Variants in FBN1 observed in about 807,000 individuals in gnomAD.
FBN1 encodes fibrillin-1.
A neutral mutation model predicts 365.1 loss-of-function variants in FBN1; 29 were observed. The observed-to-expected ratio is 0.08, with a 90% CI of 0.06 to 0.11. The LOEUF (loss-of-function observed/expected upper bound fraction) is 0.11, where lower values mean the gene tolerates loss of function less well. FBN1 is among the 10% of genes least tolerant of loss of function. The pLI, the probability that FBN1 is intolerant of heterozygous loss-of-function variation, is 1.00. For missense variants in FBN1, 2,476 were observed against 3,703.2 expected (o/e 0.67, Z 8.60); for synonymous variants, 1,210 against 1,270.5 (o/e 0.95, Z 1.01).
intron 2 of FBN1, among the ~76,000 whole-genome samples, chr15:48,639,235 A>G (rs948447079): frequency 1.3e-5 from 2 of 152,284 alleles, no homozygotes; most frequent in African/African-American, 4.8e-5. Flanking sequence ...ACCTCTGCAT[A>G]CCTCGGCTCT....
At chr15:48,485,629 A>G (rs2043500591) in intron 29 of FBN1, 133 bp from the exon 30 acceptor site, 2 of 943,646 alleles carry the variant, frequency 2.1e-6, no homozygotes, top group Non-Finnish European at 3.3e-6. Context: ...TAATCATCCT[A>G]TGAGGGCTCT....
intron 7 of FBN1, among the ~76,000 whole-genome samples, chr15:48,535,592 G>C (rs974707040): frequency 3.3e-5 from 5 of 152,178 alleles, no homozygotes; most frequent in Admixed American, 6.5e-5. Context: ...GAAGCTTAAT[G>C]TGCTCTTTAG....
At chr15:48,564,453 G>T (rs1036758844) in intron 6 of FBN1, among the ~76,000 whole-genome samples, 5 of 151,942 alleles carry the variant, frequency 3.3e-5, no homozygotes, top group Non-Finnish European at 7.4e-5. Flanking sequence ...GGAGAATTAA[G>T]TTGAAGTTTC....
chr15:48,422,197 C>T (rs1017517538), intron 60 of FBN1, 129 bp from the exon 61 acceptor site: 9 of 717,602 alleles, frequency 1.3e-5, no homozygotes, highest in Middle Eastern at 2.4e-4. Flanking sequence ...GAAGCCACAG[C>T]AAAAGGCAAG....
chr15:48,422,505 T>C (rs1300345544), intron 60 of FBN1, among the ~76,000 whole-genome samples: 2 of 152,248 alleles, frequency 1.3e-5, no homozygotes, highest in East Asian at 3.8e-4. Context: ...GGCTTAGTTC[T>C]CTTCTGTTTG....
At chr15:48,533,250 A>G (rs1043826495) in intron 8 of FBN1, among the ~76,000 whole-genome samples, 5 of 152,188 alleles carry the variant, frequency 3.3e-5, no homozygotes, top group African/African-American at 1.2e-4. Context: ...TGAAGGAAAA[A>G]GTTTTCTCTT....
chr15:48,444,403 A>G, intron 49 of FBN1, 138 bp downstream of exon 49: 1 of 965,520 alleles, frequency 1.0e-6, no homozygotes. Context: ...GAAGGATGAG[A>G]CCATGTCATA....
Position 48,410,806 on chromosome 15 carries a change from GGTT to G in FBN1, c.*181_*183del, listed in dbSNP as rs2042854481. 6.6e-6 allele frequency: 4 copies of G among 607,140 alleles called. No homozygotes were observed. In the East Asian group the frequency reaches 8.4e-5, roughly 13 times the overall value. 37.6% of individuals were successfully genotyped at this position (607,140 alleles called of 1,614,324 possible). On this transcript the variant is annotated 3_prime_UTR_variant, in exon 66 of 66. Coordinates refer to ENST00000316623, the MANE Select transcript of FBN1 (RefSeq NM_000138.5). ...ACACACATGAGAAGCCTGAGAAAGTGGTTGTTTTGAACTAGGGTAGTCACCTGT... is the reference window on the plus strand; with the variant it reads ...ACACACATGAGAAGCCTGAGAAAGTGGTTTTGAACTAGGGTAGTCACCTGT...
chr15:48,441,210 A>C (rs2043112115), intron 50 of FBN1, among the ~76,000 whole-genome samples: 1 of 152,212 alleles, frequency 6.6e-6, no homozygotes, highest in African/African-American at 2.4e-5. Context: ...TATTATTCCT[A>C]AAAATGAACA....
At chr15:48,633,238 G>C (rs1890021384) in intron 2 of FBN1, among the ~76,000 whole-genome samples, 1 of 152,200 alleles carries the variant, frequency 6.6e-6, no homozygotes, top group Non-Finnish European at 1.5e-5. Context: ...ATGTTTTACA[G>C]TATTACTAGG....
chr15:48,493,541 C>A (rs938860492), intron 23 of FBN1, among the ~76,000 whole-genome samples: 1 of 152,132 alleles, frequency 6.6e-6, no homozygotes, highest in African/African-American at 2.4e-5. Flanking sequence ...TTATTAACAG[C>A]GGGTCTGGAC....
intron 61 of FBN1, 85 bp downstream of exon 61, chr15:48,421,867 C>T: frequency 7.8e-7 from 1 of 1,279,822 alleles, no homozygotes; most frequent in Non-Finnish European, 1.1e-6. Flanking sequence ...CTTTTATTTT[C>T]TTATCCCAAC....
At chr15:48,616,942 A>G (rs570194649) in intron 2 of FBN1, among the ~76,000 whole-genome samples, 1 of 152,330 alleles carries the variant, frequency 6.6e-6, no homozygotes, top group African/African-American at 2.4e-5. Flanking sequence ...AAGGTCAAAC[A>G]ACCTGGCCAA....
In FBN1 at chr15:48,468,481, T is replaced by C; in HGVS notation, c.4513A>G (p.Thr1505Ala). The change falls in exon 37 of 66, where the codon ACT becomes GCT. Residue 1505 changes from threonine to alanine, a missense_variant. Transcript: ENST00000316623. Reference protein sequence around the residue: ...TTCISGNCVNTPGSYICDCPP... With the variant: ...TTCISGNCVNAPGSYICDCPP... ...CAGTCACAGATATAGCTGCCTGGAG[T>C]GTTGACACAGTTCCCACTGATGCAC... 6.2e-7 allele frequency: 1 copy of C among 1,614,060 alleles called. No homozygotes were observed. Among genetic ancestry groups the C allele is most frequent in the South Asian group, 1.1e-5 (1 of 91,068 alleles).
At chr15:48,427,805 T>C (rs541990155) in intron 57 of FBN1, 32 bp from the exon 58 acceptor site, 17 of 1,599,068 alleles carry the variant, frequency 1.1e-5, no homozygotes, top group African/African-American at 2.7e-5. Context: ...AAAGGGGATG[T>C]CAGGAAATTT....
Position 48,456,738 on chromosome 15 carries a change from G to A in FBN1, c.5321C>T (p.Pro1774Leu). Residue 1774 changes from proline (P) to leucine (L), a missense_variant, in exon 44 of 66, where the codon CCA (proline) becomes CTA (leucine). Around this residue, in one of 5 missense-constraint regions of FBN1, gnomAD observed 1,780 missense variants for 2,840.8 expected, o/e 0.63. Coordinates refer to ENST00000316623, the MANE Select transcript of FBN1 (RefSeq NM_000138.5). ...PVDIDECREI[P>L]GVCENGVCIN... Reference sequence around the variant, plus strand: ...ACACACTCCATTTTCACAGACCCCTGGGATCTCCCGGCACTCATCAATATC... The same window carrying A: ...ACACACTCCATTTTCACAGACCCCTAGGATCTCCCGGCACTCATCAATATC... 1 of 1,613,588 alleles carries A rather than the reference G, an allele frequency of 6.2e-7. No homozygotes were observed.
At chr15:48,540,028 C>T (rs1040969267) in intron 6 of FBN1, among the ~76,000 whole-genome samples, 1 of 152,154 alleles carries the variant, frequency 6.6e-6, no homozygotes, top group East Asian at 1.9e-4. Flanking sequence ...AAAAGTCACT[C>T]AGCACTGCAG....
intron 62 of FBN1, among the ~76,000 whole-genome samples, chr15:48,421,178 G>T (rs966718682): frequency 2.3e-4 from 35 of 152,092 alleles, no homozygotes; most frequent in Admixed American, 1.4e-3. Flanking sequence ...CTAATTAAAT[G>T]TCATCAGAAG....
chr15:48,549,414 A>T (rs1282913617), intron 6 of FBN1, among the ~76,000 whole-genome samples: 2 of 152,232 alleles, frequency 1.3e-5, no homozygotes, highest in Non-Finnish European at 2.9e-5. Context: ...GTCCACCTGC[A>T]TGGGGCAGGG....
Sources: gnomAD v4.1 joint callset for allele counts (sites outside exome capture counted in the v4.1 genomes callset) on GRCh38, gnomAD v4.1.1 for gene constraint, gnomAD v4.1.1 regional missense constraint, MANE v1.5 for transcripts, NCBI Gene and HGNC (gene_info 2026-07-23, HGNC 2026-07-21) for gene names.